CENPE: variants seen among roughly 807,000 people sequenced by gnomAD.
The protein encoded by CENPE is centromere-associated protein E.
In CENPE, 145 loss-of-function variants were observed where a neutral mutation model predicts 336.1. That is an observed-to-expected ratio of 0.43 (90% CI 0.38 to 0.50). The LOEUF is 0.50. Ranked by LOEUF, CENPE falls within the 20% of genes least tolerant of loss-of-function variation. The probability of loss-of-function intolerance (pLI) is 0.00; values close to 1 mark genes in which losing one functional copy is unlikely to be tolerated. For synonymous variants in CENPE, 1,013 were observed against 984.8 expected, an observed-to-expected ratio of 1.03 and a Z score of -0.54; for missense variants, 2,719 against 3,023.3, an observed-to-expected ratio of 0.90 and a Z score of 2.36.
chr4:103,129,278 C>T (rs1477440274), intron 42 of CENPE, among the ~76,000 whole-genome samples: 3 of 152,054 alleles, frequency 2.0e-5, no homozygotes, highest in Non-Finnish European at 4.4e-5. Context: ...TGAACTCTAC[C>T]AAATATTTAA....
rs1754403533 is a variant in CENPE, at chr4:103,161,110, G to A, written c.2107C>T (p.Leu703Phe). The A allele has an allele frequency of 1.9e-6, 3 of 1,602,136 alleles. No homozygotes were observed. The highest frequency in any genetic ancestry group is 1.7e-5 in the Admixed American group (1 of 57,722). Residue 703 changes from leucine to phenylalanine, a missense_variant, in exon 20 of 49, where the codon CTT (leucine) becomes TTT (phenylalanine). By Grantham distance (22) the Leu-to-Phe change is conservative. Around this residue, in one of 5 missense-constraint regions of CENPE, gnomAD observed 2,437 missense variants for 2,513.3 expected, o/e 0.97. Transcript: ENST00000265148. The part of the protein sequence containing the change: ...AFNEITKLTS[L>F]IDGKVPKDLL... Reference sequence around the variant, plus strand: ...CCTTTTGGAACTTTGCCATCTATAAGGGAGGTGAGTTTTGTTATCTCATTA... The same window carrying A: ...CCTTTTGGAACTTTGCCATCTATAAAGGAGGTGAGTTTTGTTATCTCATTA...
rs58894383 is a variant in CENPE, at chr4:103,116,251, T to TACAC, written c.7442+322_7442+325dup. ...CAGAAGCCTTAGTAAAACTGCTAAATACACACACACACACACACACACACA... is the reference window on the plus strand; with the variant it reads ...CAGAAGCCTTAGTAAAACTGCTAAATACACACACACACACACACACACACACACA... On this transcript the variant is annotated intron_variant, in intron 45 of 48. Transcript: ENST00000265148. 3,541 of 149,996 alleles carry TACAC rather than the reference T, an allele frequency of 0.024. 57 individuals carry two copies. The highest frequency in any genetic ancestry group is 0.027 in the African/African-American group (1,084 of 40,420). 9.3% of individuals were successfully genotyped at this position (149,996 alleles called of 1,614,324 possible).
At chr4:103,173,464 A>G (rs1755581940) in intron 16 of CENPE, among the ~76,000 whole-genome samples, 1 of 152,064 alleles carries the variant, frequency 6.6e-6, no homozygotes, top group Non-Finnish European at 1.5e-5. Flanking sequence ...GAATTTTTGA[A>G]TAAGACCTTA....
intron 42 of CENPE, among the ~76,000 whole-genome samples, chr4:103,130,727 C>A (rs1751510823): frequency 6.6e-6 from 1 of 152,056 alleles, no homozygotes; most frequent in Non-Finnish European, 1.5e-5. Context: ...CGTCAGAGAA[C>A]TGATGTTACT....
At chr4:103,155,814 A>G (rs1013801962) in intron 24 of CENPE, among the ~76,000 whole-genome samples, 1 of 152,310 alleles carries the variant, frequency 6.6e-6, no homozygotes, top group Admixed American at 6.5e-5. Context: ...TAGAAGTAAT[A>G]TATAAATGTA....
intron 8 of CENPE, among the ~76,000 whole-genome samples, chr4:103,187,516 A>G (rs917537582): frequency 1.3e-5 from 2 of 152,098 alleles, no homozygotes; most frequent in African/African-American, 4.8e-5. Flanking sequence ...AGAAAAGAAT[A>G]TTCAACCCAG....
At chr4:103,195,077 C>T (rs776296100) in intron 5 of CENPE, 37 bp downstream of exon 5, 1 of 1,525,428 alleles carries the variant, frequency 6.6e-7, no homozygotes, top group Non-Finnish European at 8.8e-7. Context: ...CTCAATAAGT[C>T]AGTCAATTTT....
intron 34 of CENPE, among the ~76,000 whole-genome samples, 164 bp from the exon 35 acceptor site, chr4:103,142,072 A>C (rs1282345240): frequency 6.6e-6 from 1 of 151,758 alleles, no homozygotes. Context: ...CTCTCTTCAC[A>C]CTCTACTTCT....
chr4:103,131,929 T>G (rs1168553636), intron 42 of CENPE, among the ~76,000 whole-genome samples: 1 of 152,166 alleles, frequency 6.6e-6, no homozygotes, highest in Non-Finnish European at 1.5e-5. Context: ...GATTAACAGT[T>G]GCCAGGGTTT....
In CENPE at chr4:103,178,456, T is replaced by C. The variant is rs570098279; in HGVS notation, c.1243-1410A>G. 6.3e-4 allele frequency among the ~76,000 whole-genome samples: 96 copies of C among 152,254 alleles called. 3 individuals carry two copies. The South Asian group carries it at 0.019, about 30-fold the overall frequency. ...TCACAAAGAAAGTATAAACCTAAAC[T>C]CCTAAGAGTACTACCTGCACAGAAG... is the stretch of plus-strand genomic sequence containing the variant. On this transcript the variant is annotated intron_variant, in intron 13 of 48. Transcript: ENST00000265148.
chr4:103,185,617 T>C (rs1329321181), intron 9 of CENPE, among the ~76,000 whole-genome samples, 193 bp downstream of exon 9: 1 of 152,094 alleles, frequency 6.6e-6, no homozygotes, highest in Non-Finnish European at 1.5e-5. Context: ...TATTGTAGAC[T>C]AAAATAAAAA....
At chr4:103,162,924 T>G (rs1263513471) in intron 18 of CENPE, among the ~76,000 whole-genome samples, 2 of 152,130 alleles carry the variant, frequency 1.3e-5, no homozygotes, top group African/African-American at 4.8e-5. Flanking sequence ...AAGGATGACA[T>G]GATCAACTTT....
At chr4:103,136,500 A>C (rs1225067219) in intron 39 of CENPE, 141 bp from the exon 40 acceptor site, 2 of 520,046 alleles carry the variant, frequency 3.8e-6, no homozygotes, top group Non-Finnish European at 6.5e-6. Context: ...GTCTAAAAAC[A>C]AAAGGAAACT....
intron 8 of CENPE, among the ~76,000 whole-genome samples, chr4:103,191,982 A>G (rs1305561978): frequency 6.6e-6 from 1 of 151,886 alleles, no homozygotes; most frequent in African/African-American, 2.4e-5. Context: ...GAGAGATAAT[A>G]CCAGCTTGGG....
At chr4:103,112,018 A>C (rs905791394) in intron 46 of CENPE, among the ~76,000 whole-genome samples, 16 of 151,790 alleles carry the variant, frequency 1.1e-4, no homozygotes, top group Admixed American at 9.9e-4. Context: ...ATGTATATAC[A>C]CTTTTTTAAA....
intron 29 of CENPE, among the ~76,000 whole-genome samples, chr4:103,146,741 A>C (rs1753087117): frequency 6.6e-6 from 1 of 152,264 alleles, no homozygotes; most frequent in South Asian, 2.1e-4. Flanking sequence ...AATGTAAGAA[A>C]GGATAACTTA....
At position 103,106,018 on chromosome 4, in the gene CENPE, T is replaced by C. The variant is rs995163960; in HGVS notation, c.*204A>G. ...TTCAACTTTTAAAAGTATTACCATA[T>C]GCAAGAAGAAGGTATTGCTATCACC... On this transcript the variant is annotated 3_prime_UTR_variant, in exon 49 of 49. Transcript: ENST00000265148. 7 of 370,054 alleles carry C rather than the reference T, an allele frequency of 1.9e-5. No individual in the cohort carries two copies. Among genetic ancestry groups the C allele is most frequent in the African/African-American group, 1.2e-4 (6 of 48,140 alleles). 22.9% of individuals were successfully genotyped at this position (370,054 alleles called of 1,614,324 possible).
chr4:103,186,358 T>G (rs1756769269), intron 8 of CENPE, among the ~76,000 whole-genome samples: 1 of 152,202 alleles, frequency 6.6e-6, no homozygotes, highest in Admixed American at 6.5e-5. Context: ...GCCTACTTTA[T>G]CCTTCCTCCC....
intron 9 of CENPE, among the ~76,000 whole-genome samples, chr4:103,184,382 C>A (rs992414994): frequency 6.6e-6 from 1 of 152,152 alleles, no homozygotes. Flanking sequence ...ATCCTTTGCC[C>A]AGTTTTTTGT....
Sources: allele counts gnomAD v4.1 joint callset (sites outside exome capture counted in the v4.1 genomes callset), GRCh38; gene constraint gnomAD v4.1.1; regional missense constraint gnomAD v4.1.1; transcripts MANE v1.5; gene names NCBI Gene and HGNC (gene_info 2026-07-23, HGNC 2026-07-21).